Variants in SCHIP1 observed in about 807,000 individuals in gnomAD.
SCHIP1 encodes schwannomin interacting protein 1, also known as schwannomin-interacting protein 1.
A neutral mutation model predicts 29.7 loss-of-function variants in SCHIP1; 8 were observed. That is an observed-to-expected ratio of 0.27 (90% CI 0.16 to 0.49). The LOEUF (loss-of-function observed/expected upper bound fraction) is 0.49, where lower values mean the gene tolerates loss of function less well. SCHIP1 is among the 20% of genes least tolerant of loss of function. The probability of loss-of-function intolerance (pLI) is 0.99; values close to 1 mark genes in which losing one functional copy is unlikely to be tolerated. For missense variants in SCHIP1, 193 were observed against 294.6 expected, an observed-to-expected ratio of 0.66 and a Z score of 2.52; for synonymous variants, 76 against 94.9, an observed-to-expected ratio of 0.80 and a Z score of 1.16.
At chr3:159,396,222 T>TCATG in the SCHIP1 span, among the ~76,000 whole-genome samples, 4 of 151,398 alleles carry the variant, frequency 2.6e-5, no homozygotes, top group Admixed American at 2.6e-4. Flanking sequence ...GTCTCTGCAC[T>TCATG]TGAGATGGGT....
At chr3:159,438,570 C>T in the SCHIP1 span, among the ~76,000 whole-genome samples, 3,297 of 152,184 alleles carry the variant, frequency 0.022, 58 homozygotes, top group Middle Eastern at 0.051. Context: ...ATTTTCTGCA[C>T]AGATCATCCC....
At chr3:159,332,720 A>G in the SCHIP1 span, among the ~76,000 whole-genome samples, 2 of 152,188 alleles carry the variant, frequency 1.3e-5, no homozygotes, top group Non-Finnish European at 2.9e-5. Flanking sequence ...TGGAATTTCA[A>G]TGAGTATCCA....
At chr3:159,577,168 A>G in the SCHIP1 span, among the ~76,000 whole-genome samples, 1 of 152,180 alleles carries the variant, frequency 6.6e-6, no homozygotes, top group African/African-American at 2.4e-5. Flanking sequence ...GCTTTTAGCT[A>G]AATGTTAGGA....
At chr3:159,798,748 ACT>A in the SCHIP1 span, among the ~76,000 whole-genome samples, 1 of 151,960 alleles carries the variant, frequency 6.6e-6, no homozygotes, top group Non-Finnish European at 1.5e-5. Flanking sequence ...ACAGAGTGAG[ACT>A]CTGTCTCAAA....
chr3:159,636,980 C>T, the SCHIP1 span, among the ~76,000 whole-genome samples: 1 of 152,144 alleles, frequency 6.6e-6, no homozygotes, highest in East Asian at 1.9e-4. Context: ...ATTTTCTCAG[C>T]TCAATCTGAA....
chr3:159,778,037 T>A, the SCHIP1 span, among the ~76,000 whole-genome samples: 1 of 151,910 alleles, frequency 6.6e-6, no homozygotes, highest in Non-Finnish European at 1.5e-5. Flanking sequence ...CAGGCTGGAG[T>A]GCAGTGGCGT....
the SCHIP1 span, among the ~76,000 whole-genome samples, chr3:159,655,625 C>A: frequency 6.6e-6 from 1 of 152,142 alleles, no homozygotes; most frequent in African/African-American, 2.4e-5. Context: ...CGTGGTGGCT[C>A]ACACCTGTAA....
the SCHIP1 span, among the ~76,000 whole-genome samples, chr3:159,568,449 C>T: frequency 9.2e-5 from 14 of 151,998 alleles, no homozygotes; most frequent in Non-Finnish European, 1.9e-4. Flanking sequence ...TAATAAAATT[C>T]TTTCTATTCC....
the SCHIP1 span, among the ~76,000 whole-genome samples, chr3:159,285,881 C>A: frequency 1.3e-5 from 2 of 152,080 alleles, no homozygotes; most frequent in Non-Finnish European, 2.9e-5. Flanking sequence ...TTCCTATTCT[C>A]TTTAGTTTCT....
chr3:159,815,184 G>A, the SCHIP1 span, among the ~76,000 whole-genome samples: 4 of 152,148 alleles, frequency 2.6e-5, no homozygotes, highest in Non-Finnish European at 2.9e-5. Flanking sequence ...CTTGATTACC[G>A]TGGTCTGCAC....
chr3:159,562,667 C>T, the SCHIP1 span, among the ~76,000 whole-genome samples: 41,771 of 152,072 alleles, frequency 0.27, 9,366 homozygotes, highest in African/African-American at 0.61. Flanking sequence ...GGAGGGACTT[C>T]CATAAAGTTT....
the SCHIP1 span, among the ~76,000 whole-genome samples, chr3:159,464,289 G>A: frequency 6.6e-6 from 1 of 152,152 alleles, no homozygotes; most frequent in Non-Finnish European, 1.5e-5. Flanking sequence ...GTAGAAAAAG[G>A]TAACTGGGGT....
the SCHIP1 span, among the ~76,000 whole-genome samples, chr3:159,491,922 C>A: frequency 1.3e-5 from 2 of 152,186 alleles, no homozygotes; most frequent in East Asian, 1.9e-4. Context: ...AACGATCAGG[C>A]AGCAGCATTT....
the SCHIP1 span, among the ~76,000 whole-genome samples, chr3:159,488,943 A>G: frequency 1.3e-5 from 2 of 152,194 alleles, no homozygotes; most frequent in African/African-American, 4.8e-5. Flanking sequence ...GAATAAGAAG[A>G]TAACTCTAAG....
the SCHIP1 span, among the ~76,000 whole-genome samples, chr3:159,717,457 G>C: frequency 6.6e-6 from 1 of 152,098 alleles, no homozygotes; most frequent in Non-Finnish European, 1.5e-5. Context: ...TTTTTGAAAA[G>C]ATCAACAAAA....
At chr3:159,556,233 A>G in the SCHIP1 span, among the ~76,000 whole-genome samples, 2 of 152,158 alleles carry the variant, frequency 1.3e-5, no homozygotes, top group East Asian at 1.9e-4. Context: ...ATCTCACACC[A>G]GTTAGAATGG....
the SCHIP1 span, among the ~76,000 whole-genome samples, chr3:159,341,132 G>C: frequency 5.3e-5 from 8 of 152,088 alleles, no homozygotes; most frequent in South Asian, 1.7e-3. Flanking sequence ...TCCCTGGAGT[G>C]TTTTCTTTGC....
the SCHIP1 span, among the ~76,000 whole-genome samples, chr3:159,581,068 TAA>T: frequency 6.6e-6 from 1 of 152,174 alleles, no homozygotes; most frequent in African/African-American, 2.4e-5. Context: ...CATTGGAAAA[TAA>T]ACAGTGTTGA....
At chr3:159,685,128 A>T in the SCHIP1 span, among the ~76,000 whole-genome samples, 1 of 152,206 alleles carries the variant, frequency 6.6e-6, no homozygotes, top group Non-Finnish European at 1.5e-5. Flanking sequence ...TTGGCCCCAG[A>T]AACATAGTCT....
Sources: allele counts gnomAD v4.1 joint callset (sites outside exome capture counted in the v4.1 genomes callset), GRCh38; gene constraint gnomAD v4.1.1; transcripts MANE v1.5; gene names NCBI Gene and HGNC (gene_info 2026-07-23, HGNC 2026-07-21).